The following DIAPH3 variants were observed in gnomAD, a reference collection of about 807,000 sequenced individuals.
The protein encoded by DIAPH3 is diaphanous related formin 3.
A neutral mutation model predicts 144.3 loss-of-function variants in DIAPH3; 117 were observed. That is an observed-to-expected ratio of 0.81 (90% CI 0.70 to 0.95). The LOEUF is 0.95. DIAPH3 is among the 40% of genes least tolerant of loss of function. The pLI is 0.00. For missense variants in DIAPH3, 1,421 were observed against 1,412.7 expected, an observed-to-expected ratio of 1.01 and a Z score of -0.09; for synonymous variants, 519 against 488.9, an observed-to-expected ratio of 1.06 and a Z score of -0.81.
At chr13:60,016,218 G>C in intron 5 of DIAPH3, 73 bp from the exon 6 acceptor site, 1 of 1,312,692 alleles carries the variant, frequency 7.6e-7, no homozygotes, top group Non-Finnish European at 1.1e-6. Flanking sequence ...ATACCTACAA[G>C]TATTTTATAT....
chr13:59,787,820 T>A (rs2039117130), intron 25 of DIAPH3, among the ~76,000 whole-genome samples: 1 of 152,166 alleles, frequency 6.6e-6, no homozygotes, highest in African/African-American at 2.4e-5. Flanking sequence ...GAGAAAGGGC[T>A]TTGGGAGGTG....
chr13:60,104,323 G>T (rs2058350123), intron 3 of DIAPH3, among the ~76,000 whole-genome samples: 2 of 151,848 alleles, frequency 1.3e-5, no homozygotes, highest in South Asian at 4.2e-4. Flanking sequence ...CCAATAGTGG[G>T]GTTGAATTTC....
At chr13:60,050,791 A>T (rs2056302411) in intron 4 of DIAPH3, among the ~76,000 whole-genome samples, 1 of 65,602 alleles carries the variant, frequency 1.5e-5, no homozygotes. Context: ...GGATTTTTCT[A>T]TCTACTGTGT....
chr13:59,982,442 T>C (rs1017665670), intron 13 of DIAPH3, among the ~76,000 whole-genome samples: 3 of 151,216 alleles, frequency 2.0e-5, no homozygotes, highest in South Asian at 4.2e-4. Flanking sequence ...GAACTTCTAA[T>C]TGCTTATCTC....
intron 14 of DIAPH3, among the ~76,000 whole-genome samples, chr13:59,978,763 A>G (rs1040777312): frequency 6.6e-6 from 1 of 151,712 alleles, no homozygotes; most frequent in African/African-American, 2.4e-5. Flanking sequence ...AGCCTTCTCC[A>G]AAAAGAGTTA....
chr13:60,125,519 A>T (rs142099714), intron 2 of DIAPH3, among the ~76,000 whole-genome samples: 1 of 150,274 alleles, frequency 6.7e-6, no homozygotes, highest in Admixed American at 6.7e-5. Flanking sequence ...TGCCGTGATT[A>T]CAGACATGAG....
intron 5 of DIAPH3, among the ~76,000 whole-genome samples, chr13:60,019,906 C>G (rs1423921741): frequency 6.6e-6 from 1 of 151,214 alleles, no homozygotes; most frequent in Non-Finnish European, 1.5e-5. Flanking sequence ...TGATCTCCTA[C>G]TCTTCCTTTG....
intron 27 of DIAPH3, among the ~76,000 whole-genome samples, chr13:59,720,065 G>A (rs2035260295): frequency 6.6e-6 from 1 of 152,042 alleles, no homozygotes; most frequent in Non-Finnish European, 1.5e-5. Flanking sequence ...TGCTGTCATG[G>A]GAACATTATA....
intron 4 of DIAPH3, among the ~76,000 whole-genome samples, chr13:60,072,252 C>T (rs1398927178): frequency 1.3e-5 from 2 of 152,226 alleles, no homozygotes; most frequent in Non-Finnish European, 2.9e-5. Flanking sequence ...TAATTCTTCT[C>T]TACCTCTCTC....
At chr13:60,050,762 T>C (rs1374237861) in intron 4 of DIAPH3, among the ~76,000 whole-genome samples, 1 of 151,790 alleles carries the variant, frequency 6.6e-6, no homozygotes, top group Non-Finnish European at 1.5e-5. Flanking sequence ...AAGTATAAGA[T>C]GAAATAAACA....
chr13:59,922,263 C>G (rs1019801567), intron 18 of DIAPH3, among the ~76,000 whole-genome samples: 1 of 151,970 alleles, frequency 6.6e-6, no homozygotes, highest in South Asian at 2.1e-4. Context: ...TACTTGCTTG[C>G]AGAAAACAAC....
In DIAPH3 at chr13:59,666,547, A is replaced by G. The variant is rs1187162381; in HGVS notation, c.*37T>C. On this transcript the variant is annotated 3_prime_UTR_variant, in exon 28 of 28. Coordinates refer to ENST00000400324, the MANE Select transcript of DIAPH3 (RefSeq NM_001042517.2). ...GTTATAGTTTAGAGCATGGCTTTAT[A>G]TTTGGCTTAATCATTTTTTTTAAAA... The G allele has an allele frequency of 2.5e-6, 4 of 1,612,660 alleles. No individual in the cohort carries two copies. Among genetic ancestry groups the G allele is most frequent in the South Asian group, 1.1e-5 (1 of 90,746 alleles).
chr13:59,813,116 C>G (rs2040575455), intron 24 of DIAPH3, among the ~76,000 whole-genome samples: 1 of 151,548 alleles, frequency 6.6e-6, no homozygotes, highest in Non-Finnish European at 1.5e-5. Context: ...TCCTATAGCC[C>G]TGTGGGAGTA....
At chr13:59,986,997 A>T (rs1043165669) in intron 12 of DIAPH3, among the ~76,000 whole-genome samples, 1 of 151,958 alleles carries the variant, frequency 6.6e-6, no homozygotes, top group Non-Finnish European at 1.5e-5. Context: ...ATGACTATAA[A>T]TCATGCTGCT....
intron 27 of DIAPH3, among the ~76,000 whole-genome samples, chr13:59,766,483 G>T (rs1254678645): frequency 6.6e-6 from 1 of 152,064 alleles, no homozygotes; most frequent in East Asian, 1.9e-4. Context: ...GTTATCAGAT[G>T]GGAGCTCAGA....
intron 4 of DIAPH3, among the ~76,000 whole-genome samples, chr13:60,083,926 T>TGGAC (rs2057654386): frequency 1.1e-5 from 1 of 88,570 alleles, no homozygotes; most frequent in Non-Finnish European, 3.1e-5. Flanking sequence ...GATGGATGGA[T>TGGAC]GGATGGATGG....
intron 4 of DIAPH3, chr13:60,044,302 T>G (rs980366517): frequency 1.3e-5 from 2 of 152,222 alleles, no homozygotes; most frequent in Non-Finnish European, 2.9e-5. Context: ...ATTAATTTAC[T>G]ATAATGTTAT....
At chr13:60,085,540 T>G (rs999586499) in intron 4 of DIAPH3, among the ~76,000 whole-genome samples, 1 of 152,146 alleles carries the variant, frequency 6.6e-6, no homozygotes, top group African/African-American at 2.4e-5. Flanking sequence ...TATGGAAGTG[T>G]TAAGTGGTAA....
intron 1 of DIAPH3, among the ~76,000 whole-genome samples, chr13:60,137,312 C>G (rs1366102655): frequency 6.6e-6 from 1 of 152,186 alleles, no homozygotes; most frequent in Non-Finnish European, 1.5e-5. Flanking sequence ...TGCATCAAAA[C>G]TTTTATTGAA....
Sources: allele counts gnomAD v4.1 joint callset (sites outside exome capture counted in the v4.1 genomes callset), GRCh38; gene constraint gnomAD v4.1.1; transcripts MANE v1.5; gene names NCBI Gene and HGNC (gene_info 2026-07-23, HGNC 2026-07-21).